The following CPXM2 variants were observed in gnomAD, a reference collection of about 807,000 sequenced individuals.
CPXM2 encodes the protein inactive carboxypeptidase-like protein X2.
A neutral mutation model predicts 86.1 loss-of-function variants in CPXM2; 66 were observed. The ratio of observed to expected loss-of-function variants is 0.77; its 90% confidence interval spans 0.63 to 0.94. The LOEUF (loss-of-function observed/expected upper bound fraction) is 0.94, where lower values mean the gene tolerates loss of function less well. Ranked by LOEUF, CPXM2 falls within the 40% of genes least tolerant of loss-of-function variation. CPXM2 has a pLI of 0.00. For missense variants in CPXM2, 948 were observed against 1,026.3 expected, an observed-to-expected ratio of 0.92 and a Z score of 1.04; for synonymous variants, 388 against 400.2, an observed-to-expected ratio of 0.97 and a Z score of 0.36.
At chr10:123,792,165 TC>T (rs1847219687) in intron 6 of CPXM2, among the ~76,000 whole-genome samples, 1 of 152,038 alleles carries the variant, frequency 6.6e-6, no homozygotes, top group Non-Finnish European at 1.5e-5. Flanking sequence ...TCACATCCAC[TC>T]ACCACCTATG....
At chr10:123,884,073 A>C (rs777530395) in intron 1 of CPXM2, among the ~76,000 whole-genome samples, 12 of 152,162 alleles carry the variant, frequency 7.9e-5, no homozygotes, top group Non-Finnish European at 1.5e-4. Context: ...CAAAGGGCTT[A>C]CAGTAGCAAC....
chr10:123,871,868 A>G (rs1590086993), intron 2 of CPXM2, among the ~76,000 whole-genome samples: 1 of 152,118 alleles, frequency 6.6e-6, no homozygotes, highest in African/African-American at 2.4e-5. Flanking sequence ...CAAACAAACA[A>G]AAACCCTCCT....
chr10:123,888,722 C>A (rs932098782), intron 1 of CPXM2, among the ~76,000 whole-genome samples: 11 of 152,158 alleles, frequency 7.2e-5, no homozygotes, highest in African/African-American at 2.7e-4. Flanking sequence ...TAAAAAAGGA[C>A]AGGAGTTAAA....
intron 2 of CPXM2, among the ~76,000 whole-genome samples, chr10:123,901,473 GTT>G (rs5788640): frequency 6.8e-6 from 1 of 147,886 alleles, no homozygotes; most frequent in East Asian, 2.1e-4. Context: ...GTGTGTGTGT[GTT>G]TTCCCCTATG....
At chr10:123,857,578 A>C (rs1260168080) in intron 3 of CPXM2, among the ~76,000 whole-genome samples, 1 of 125,540 alleles carries the variant, frequency 8.0e-6, no homozygotes, top group Non-Finnish European at 1.7e-5. Flanking sequence ...GGCGGCGTGG[A>C]GATGGAAGGC....
chr10:123,809,340 T>A (rs965699513), intron 4 of CPXM2, among the ~76,000 whole-genome samples: 1 of 152,142 alleles, frequency 6.6e-6, no homozygotes, highest in Non-Finnish European at 1.5e-5. Context: ...ATTGCTAAGA[T>A]CTATAGTAAG....
At chr10:123,901,846 T>C (rs1032849446) in intron 2 of CPXM2, among the ~76,000 whole-genome samples, 2 of 152,160 alleles carry the variant, frequency 1.3e-5, no homozygotes, top group African/African-American at 4.8e-5. Flanking sequence ...GGCTCAGCTG[T>C]ATTGACCAAT....
chr10:123,923,627 T>A (rs1412387309), intron 2 of CPXM2, among the ~76,000 whole-genome samples: 1 of 152,014 alleles, frequency 6.6e-6, no homozygotes, highest in Non-Finnish European at 1.5e-5. Flanking sequence ...GTGAGGAAAT[T>A]TGAACATAAA....
At chr10:123,838,609 T>G (rs1236454688) in intron 4 of CPXM2, among the ~76,000 whole-genome samples, 1 of 152,116 alleles carries the variant, frequency 6.6e-6, no homozygotes, top group Non-Finnish European at 1.5e-5. Flanking sequence ...TTTGGAAAAA[T>G]CTACCGGGCT....
At chr10:123,861,092 T>C (rs542335324) in intron 3 of CPXM2, among the ~76,000 whole-genome samples, 1 of 152,244 alleles carries the variant, frequency 6.6e-6, no homozygotes, top group East Asian at 1.9e-4. Context: ...CCTTATCTGT[T>C]TGTACACAGT....
chr10:123,764,812 ATTT>A (rs1460175344), intron 10 of CPXM2, among the ~76,000 whole-genome samples: 13 of 150,120 alleles, frequency 8.7e-5, no homozygotes, highest in African/African-American at 3.1e-4. Flanking sequence ...TAATTAATTT[ATTT>A]ATTTATTTGC....
At chr10:123,849,953 G>A (rs924397702) in intron 3 of CPXM2, among the ~76,000 whole-genome samples, 3 of 152,082 alleles carry the variant, frequency 2.0e-5, no homozygotes, top group Non-Finnish European at 4.4e-5. Flanking sequence ...ACTTCCCGCA[G>A]ACATAACCAC....
intron 4 of CPXM2, among the ~76,000 whole-genome samples, chr10:123,823,440 G>A (rs902107384): frequency 1.3e-5 from 2 of 152,006 alleles, no homozygotes; most frequent in African/African-American, 2.4e-5. Flanking sequence ...CTAGTAAGAG[G>A]TACCTAGAAA....
At chr10:123,897,207 C>T (rs142608604) in intron 2 of CPXM2, among the ~76,000 whole-genome samples, 325 of 152,210 alleles carry the variant, frequency 2.1e-3, no homozygotes, top group African/African-American at 6.9e-3. Context: ...TCATTAGTCT[C>T]GGGAGCCTCA....
chr10:123,826,130 C>T (rs1015551289), intron 4 of CPXM2, among the ~76,000 whole-genome samples: 3 of 152,164 alleles, frequency 2.0e-5, no homozygotes, highest in Admixed American at 6.5e-5. Context: ...ATTATTCCTG[C>T]TTTACAGATA....
chr10:123,856,781 G>A (rs148002187), intron 3 of CPXM2, among the ~76,000 whole-genome samples: 2,295 of 152,202 alleles, frequency 0.015, 53 homozygotes, highest in African/African-American at 0.051. Context: ...TAGTAGAGAC[G>A]GGATTTTGCC....
intron 2 of CPXM2, among the ~76,000 whole-genome samples, chr10:123,923,858 G>A (rs1945599766): frequency 2.0e-5 from 3 of 152,292 alleles, no homozygotes; most frequent in East Asian, 1.9e-4. Flanking sequence ...GCCTCCATGT[G>A]AGACATGCCT....
chr10:123,795,651 A>G (rs1847320150), intron 6 of CPXM2, among the ~76,000 whole-genome samples: 1 of 152,094 alleles, frequency 6.6e-6, no homozygotes, highest in African/African-American at 2.4e-5. Flanking sequence ...CCCATCAGGC[A>G]GCATGCGTGA....
At position 123,885,555 on chromosome 10, in the gene CPXM2, C is replaced by T. The variant is rs1260044368; in HGVS notation, c.305-5246G>A. Among the ~76,000 whole-genome samples, 1 of 152,220 alleles carries T rather than the reference C, an allele frequency of 6.6e-6. No homozygotes were observed. Among genetic ancestry groups the T allele is most frequent in the African/African-American group, 2.4e-5 (1 of 41,460 alleles). On this transcript the variant is annotated intron_variant, in intron 1 of 13. Coordinates refer to ENST00000241305, the MANE Select transcript of CPXM2 (RefSeq NM_198148.3). This position sits in a 1 kb window ranked among gnomAD's most constrained non-coding sequence, Gnocchi z 4.0. ...AATTAACATGTGAAGCTGTTTTGTG[C>T]CATGCTAACCATCCTATGATGCCCA...
Sources: gnomAD v4.1 joint callset for allele counts (sites outside exome capture counted in the v4.1 genomes callset) on GRCh38, gnomAD v4.1.1 for gene constraint, Gnocchi (gnomAD v3.1) non-coding constraint, MANE v1.5 for transcripts, NCBI Gene and HGNC (gene_info 2026-07-23, HGNC 2026-07-21) for gene names.